TBC1D5: variants seen among roughly 807,000 people sequenced by gnomAD.
The protein encoded by TBC1D5 is TBC1 domain family, member 5.
Under a neutral mutation model 100.3 loss-of-function variants are expected in TBC1D5, and 75 were observed. The ratio of observed to expected loss-of-function variants is 0.75; its 90% CI spans 0.62 to 0.91. The LOEUF is 0.91. TBC1D5 is among the 40% of genes least tolerant of loss of function. TBC1D5 has a pLI of 0.00. For synonymous variants in TBC1D5, 323 were observed against 325.6 expected, an observed-to-expected ratio of 0.99 and a Z score of 0.09; for missense variants, 910 against 942.4, an observed-to-expected ratio of 0.97 and a Z score of 0.45.
chr3:17,228,341 T>C (rs2075111550), intron 17 of TBC1D5, among the ~76,000 whole-genome samples: 1 of 152,134 alleles, frequency 6.6e-6, no homozygotes, highest in Non-Finnish European at 1.5e-5. Context: ...TCCTAAATGA[T>C]AATGTAAAGG....
intron 17 of TBC1D5, among the ~76,000 whole-genome samples, chr3:17,228,691 CTTTTTT>C (rs34658453): frequency 1.4e-5 from 2 of 143,882 alleles, no homozygotes; most frequent in Non-Finnish European, 3.1e-5. Flanking sequence ...GAGAAGTTAT[CTTTTTT>C]TTTTTTTTTG....
chr3:17,708,139 T>G (rs1450369050), intron 1 of TBC1D5, among the ~76,000 whole-genome samples: 1 of 152,220 alleles, frequency 6.6e-6, no homozygotes, highest in African/African-American at 2.4e-5. Context: ...GTATGTGGCC[T>G]CCTAATTCAT....
chr3:17,649,424 CAT>C (rs997486449), intron 1 of TBC1D5, among the ~76,000 whole-genome samples: 4 of 152,080 alleles, frequency 2.6e-5, no homozygotes, highest in Admixed American at 2.0e-4. Context: ...AACTGTGACA[CAT>C]GTTTACCTAT....
chr3:17,262,862 T>C (rs113642727), intron 15 of TBC1D5, among the ~76,000 whole-genome samples: 69 of 152,116 alleles, frequency 4.5e-4, no homozygotes, highest in African/African-American at 1.6e-3. Flanking sequence ...AATCATATCT[T>C]AACTGATATT....
At chr3:17,269,565 T>C (rs2079174083) in intron 15 of TBC1D5, among the ~76,000 whole-genome samples, 1 of 152,142 alleles carries the variant, frequency 6.6e-6, no homozygotes. Context: ...ATACAAAGGT[T>C]TGGGCTTCTA....
chr3:17,697,225 A>G (rs2072265432), intron 1 of TBC1D5, among the ~76,000 whole-genome samples: 1 of 152,232 alleles, frequency 6.6e-6, no homozygotes, highest in Non-Finnish European at 1.5e-5. Context: ...CACCACTCGT[A>G]TTCAACATAG....
chr3:17,386,807 T>C (rs747758311), intron 8 of TBC1D5, among the ~76,000 whole-genome samples: 2 of 152,162 alleles, frequency 1.3e-5, no homozygotes, highest in Non-Finnish European at 2.9e-5. Context: ...TAAATTTAAT[T>C]CGGCTGAAGT....
At chr3:17,575,490 C>G (rs1051769406) in intron 2 of TBC1D5, among the ~76,000 whole-genome samples, 4 of 152,106 alleles carry the variant, frequency 2.6e-5, no homozygotes, top group African/African-American at 4.8e-5. Flanking sequence ...ATTTCAGGGG[C>G]TAGAAGGCAC....
At chr3:17,219,686 C>T (rs909825893) in intron 17 of TBC1D5, among the ~76,000 whole-genome samples, 2 of 151,944 alleles carry the variant, frequency 1.3e-5, no homozygotes, top group Non-Finnish European at 2.9e-5. Context: ...ATACATTGTG[C>T]ATCCTCCTGT....
intron 13 of TBC1D5, among the ~76,000 whole-genome samples, chr3:17,324,986 A>G (rs1156700017): frequency 1.3e-5 from 2 of 152,216 alleles, no homozygotes; most frequent in Non-Finnish European, 2.9e-5. Flanking sequence ...AAACTCTCAT[A>G]AATTGCTGAT....
At chr3:17,521,927 A>G (rs2096067824) in intron 2 of TBC1D5, among the ~76,000 whole-genome samples, 1 of 152,136 alleles carries the variant, frequency 6.6e-6, no homozygotes, top group Non-Finnish European at 1.5e-5. Context: ...TAGCTTCAAA[A>G]ATGATGAGCT....
At chr3:17,468,515 A>C (rs73153022) in intron 3 of TBC1D5, among the ~76,000 whole-genome samples, 2 of 152,128 alleles carry the variant, frequency 1.3e-5, no homozygotes, top group Non-Finnish European at 2.9e-5. Context: ...TACTGCTTTC[A>C]AAGACTCTGT....
At chr3:17,417,965 G>T (rs182916203) in intron 4 of TBC1D5, among the ~76,000 whole-genome samples, 3 of 152,184 alleles carry the variant, frequency 2.0e-5, no homozygotes, top group African/African-American at 7.2e-5. Flanking sequence ...ACTTGGGCAC[G>T]TCATCTGCAT....
At chr3:17,726,123 AC>A (rs1308271415) in intron 1 of TBC1D5, among the ~76,000 whole-genome samples, 3 of 152,098 alleles carry the variant, frequency 2.0e-5, no homozygotes, top group Non-Finnish European at 2.9e-5. Context: ...CCACTGATGG[AC>A]ATGTAAGTTG....
intron 3 of TBC1D5, among the ~76,000 whole-genome samples, chr3:17,479,874 G>GC (rs951216442): frequency 2.0e-5 from 3 of 152,154 alleles, no homozygotes; most frequent in Admixed American, 1.3e-4. Flanking sequence ...CAGGCAGGGA[G>GC]CCCCTCTTCC....
At chr3:17,627,485 T>C (rs1560316863) in intron 1 of TBC1D5, among the ~76,000 whole-genome samples, 2 of 152,058 alleles carry the variant, frequency 1.3e-5, no homozygotes, top group Non-Finnish European at 2.9e-5. Flanking sequence ...GGAAATTAAC[T>C]AAAGTCAAAT....
chr3:17,428,213 A>G (rs2094378585), intron 4 of TBC1D5, among the ~76,000 whole-genome samples: 1 of 151,808 alleles, frequency 6.6e-6, no homozygotes, highest in African/African-American at 2.4e-5. Context: ...ATACTGCAGT[A>G]AGTGCATTTA....
At chr3:17,579,128 G>A (rs1054812952) in intron 2 of TBC1D5, among the ~76,000 whole-genome samples, 1 of 151,918 alleles carries the variant, frequency 6.6e-6, no homozygotes, top group Non-Finnish European at 1.5e-5. Context: ...TAAGTATAAT[G>A]TTAGTGGCAT....
chr3:17,174,215 A>G (rs2067463819), intron 19 of TBC1D5, among the ~76,000 whole-genome samples: 1 of 152,184 alleles, frequency 6.6e-6, no homozygotes, highest in South Asian at 2.1e-4. Flanking sequence ...CTCTTGGACA[A>G]TAATTCAATG....
Sources: allele counts gnomAD v4.1 joint callset (sites outside exome capture counted in the v4.1 genomes callset), GRCh38; gene constraint gnomAD v4.1.1; transcripts MANE v1.5; gene names NCBI Gene and HGNC (gene_info 2026-07-23, HGNC 2026-07-21).